Variants in DGKG observed in about 807,000 individuals in gnomAD.
DGKG encodes diacylglycerol kinase gamma, also known as DAG kinase gamma.
In DGKG, 78 loss-of-function variants were observed where a neutral mutation model predicts 105.3. That is an observed-to-expected ratio of 0.74 (90% CI 0.62 to 0.89). The LOEUF is 0.89. Ranked by LOEUF, DGKG falls within the 40% of genes least tolerant of loss-of-function variation. The probability of loss-of-function intolerance (pLI) is 0.00; values close to 1 mark genes in which losing one functional copy is unlikely to be tolerated. For synonymous variants in DGKG, 346 were observed against 367.1 expected, an observed-to-expected ratio of 0.94 and a Z score of 0.66; for missense variants, 958 against 1,020.1, an observed-to-expected ratio of 0.94 and a Z score of 0.83.
chr3:186,203,038 A>C lies in DGKG; in HGVS notation c.1917+8757T>G, dbSNP rs137883180. Among the ~76,000 whole-genome samples the C allele has an allele frequency of 5.8e-3, 884 of 152,364 alleles. 10 individuals carry two copies. The highest frequency in any genetic ancestry group is 0.027 in the South Asian group (130 of 4,826). The stretch of plus-strand genomic sequence containing the variant: ...AGGCTTGAAGTGAACTACAGGGTGC[A>C]CATTAGTAAGAAATAAAAAAGAGGG... On this transcript the variant is annotated intron_variant, in intron 21 of 24. Transcript: ENST00000265022. This position sits in a 1 kb window ranked among gnomAD's most constrained non-coding sequence, Gnocchi z 4.9.
At chr3:186,316,300 T>C (rs1054625259) in intron 2 of DGKG, among the ~76,000 whole-genome samples, 7 of 152,204 alleles carry the variant, frequency 4.6e-5, no homozygotes, top group African/African-American at 1.7e-4. Context: ...AACTGAAACA[T>C]ATTGTTAAGG....
At position 186,226,181 on chromosome 3, in the gene DGKG, A is replaced by T. The variant is rs917712503; in HGVS notation, c.1827-14296T>A. On this transcript the variant is annotated intron_variant, in intron 20 of 24. Coordinates refer to ENST00000265022, the MANE Select transcript of DGKG (RefSeq NM_001346.3). The surrounding 1 kb of genome is among the most constrained non-coding windows in gnomAD (Gnocchi z 4.2). ...AACTCACCACTTTGTACAAACCATG[A>T]TTATTGTGAATTTTAAGATTATACC... 2.0e-5 allele frequency among the ~76,000 whole-genome samples: 3 copies of T among 152,188 alleles called. No individual in the cohort carries two copies. Among genetic ancestry groups the T allele is most frequent in the Middle Eastern group, 6.3e-3 (2 of 316 alleles).
chr3:186,356,931 A>G (rs1387351524), intron 1 of DGKG, among the ~76,000 whole-genome samples: 1 of 152,090 alleles, frequency 6.6e-6, no homozygotes, highest in Non-Finnish European at 1.5e-5. Context: ...TGGGGCCAGC[A>G]TCCACCAACT....
intron 22 of DGKG, among the ~76,000 whole-genome samples, chr3:186,181,397 A>C (rs931202796): frequency 2.0e-5 from 3 of 152,296 alleles, no homozygotes; most frequent in Middle Eastern, 3.4e-3. Context: ...AAAAAGTATT[A>C]TCTAGTGAGA....
chr3:186,326,255 G>C (rs1459000560), intron 1 of DGKG, among the ~76,000 whole-genome samples: 1 of 152,076 alleles, frequency 6.6e-6, no homozygotes, highest in African/African-American at 2.4e-5. Flanking sequence ...AGCTGGGTGT[G>C]GTGGTACATG....
rs556590744 is a variant in DGKG at position 186,291,943 on chromosome 3, A to C, written c.374-3063T>G. Among the ~76,000 whole-genome samples, 12 of 152,298 alleles carry C rather than the reference A, an allele frequency of 7.9e-5. No homozygotes were observed. The East Asian group carries it at 2.3e-3, about 29-fold the overall frequency. On this transcript the variant is annotated intron_variant, in intron 5 of 24. Transcript: ENST00000265022. ...GAACCATTTCTCTAGTTTTCACTGAAGTCTACTGCTCACTCCTGTCATAGA... is the reference window on the plus strand; with the variant it reads ...GAACCATTTCTCTAGTTTTCACTGACGTCTACTGCTCACTCCTGTCATAGA...
At chr3:186,350,214 A>G (rs1037045520) in intron 1 of DGKG, among the ~76,000 whole-genome samples, 3 of 152,182 alleles carry the variant, frequency 2.0e-5, no homozygotes, top group Admixed American at 6.5e-5. Context: ...TTCATCTTGC[A>G]AAATGAACTG....
rs369359210 is a variant in DGKG at position 186,309,973 on chromosome 3, G to GAA, written c.68-2998_68-2997dup. 3.2e-3 allele frequency among the ~76,000 whole-genome samples: 467 copies of GAA among 147,934 alleles called. 4 individuals are homozygous for GAA. The highest frequency in any genetic ancestry group is 9.8e-3 in the African/African-American group (396 of 40,566). ...CTGATTAATAGCCTGAAATTAAATG[G>GAA]AAAAAAAAAACACAGCCGGGCGCGG... On this transcript the variant is annotated intron_variant, in intron 2 of 24. Coordinates refer to ENST00000265022, the MANE Select transcript of DGKG (RefSeq NM_001346.3).
At chr3:186,337,831 G>A (rs552052103) in intron 1 of DGKG, among the ~76,000 whole-genome samples, 83 of 152,182 alleles carry the variant, frequency 5.5e-4, no homozygotes, top group African/African-American at 2.0e-3. Flanking sequence ...CAGCCAATTA[G>A]GAAATATAGC....
intron 1 of DGKG, among the ~76,000 whole-genome samples, chr3:186,339,696 G>C (rs993714620): frequency 6.6e-6 from 1 of 152,154 alleles, no homozygotes; most frequent in East Asian, 1.9e-4. Flanking sequence ...AGGCCTGTAC[G>C]CTGGGGCCTG....
At chr3:186,186,096 CAAAAAA>C (rs3049465) in intron 22 of DGKG, among the ~76,000 whole-genome samples, 1 of 75,272 alleles carries the variant, frequency 1.3e-5, no homozygotes, top group African/African-American at 5.4e-5. Flanking sequence ...GACTCTGCCT[CAAAAAA>C]AAAAAAAAAA....
chr3:186,334,455 G>T (rs1221473616), intron 1 of DGKG, among the ~76,000 whole-genome samples: 1 of 152,194 alleles, frequency 6.6e-6, no homozygotes, highest in Non-Finnish European at 1.5e-5. Flanking sequence ...AACCAGCAGT[G>T]TCCTAATGGG....
chr3:186,185,136 CTG>C (rs1717561165), intron 22 of DGKG, among the ~76,000 whole-genome samples: 1 of 152,210 alleles, frequency 6.6e-6, no homozygotes, highest in African/African-American at 2.4e-5. Flanking sequence ...CTCCAGTCTT[CTG>C]ACTCCCAGGC....
chr3:186,302,621 C>CTATAT (rs1724032515), intron 3 of DGKG, among the ~76,000 whole-genome samples: 1 of 139,486 alleles, frequency 7.2e-6, no homozygotes, highest in African/African-American at 2.7e-5. Context: ...TGTGTATATA[C>CTATAT]CTATATCTAT....
chr3:186,326,796 A>G (rs1725367072), intron 1 of DGKG, among the ~76,000 whole-genome samples: 1 of 152,134 alleles, frequency 6.6e-6, no homozygotes. Flanking sequence ...TTTGTATTTC[A>G]TTTTAGGATG....
intron 1 of DGKG, among the ~76,000 whole-genome samples, chr3:186,355,077 A>G (rs1195060681): frequency 2.6e-5 from 4 of 151,912 alleles, no homozygotes; most frequent in African/African-American, 7.3e-5. Context: ...CATGCTCCTT[A>G]ATTTGTTCAG....
At chr3:186,333,215 G>A (rs1578847451) in intron 1 of DGKG, among the ~76,000 whole-genome samples, 2 of 152,182 alleles carry the variant, frequency 1.3e-5, no homozygotes, top group Admixed American at 6.5e-5. Flanking sequence ...ACCACCGGGG[G>A]AACGTGTTAG....
At position 186,347,563 on chromosome 3, in the gene DGKG, A is replaced by C. The variant is rs138930405; in HGVS notation, c.-249+14383T>G. Among the ~76,000 whole-genome samples the C allele has an allele frequency of 2.7e-5, 4 of 145,942 alleles. No individual in the cohort carries two copies. In the East Asian group the frequency reaches 6.0e-4, roughly 22 times the overall value. On this transcript the variant is annotated intron_variant, in intron 1 of 24. Coordinates refer to ENST00000265022, the MANE Select transcript of DGKG (RefSeq NM_001346.3). ...CTTTTTATATTAATGTTTCCTTGCTATTTCCTTTTTTACGTATTTTTTTTC... is the reference window on the plus strand; with the variant it reads ...CTTTTTATATTAATGTTTCCTTGCTCTTTCCTTTTTTACGTATTTTTTTTC...
At chr3:186,275,797 A>G (rs1214074337) in intron 9 of DGKG, 133 bp from the exon 10 acceptor site, 2 of 610,924 alleles carry the variant, frequency 3.3e-6, no homozygotes, top group African/African-American at 3.8e-5. Context: ...ACTGTTTTAA[A>G]TACAAATAAA....
Sources: gnomAD v4.1 joint callset for allele counts (sites outside exome capture counted in the v4.1 genomes callset) on GRCh38, gnomAD v4.1.1 for gene constraint, Gnocchi (gnomAD v3.1) non-coding constraint, MANE v1.5 for transcripts, NCBI Gene and HGNC (gene_info 2026-07-23, HGNC 2026-07-21) for gene names.